Variants in FRMPD4 observed in about 807,000 individuals in gnomAD.
FRMPD4 encodes FERM and PDZ domain containing 4.
A neutral mutation model predicts 94.1 loss-of-function variants in FRMPD4; 22 were observed. The ratio of observed to expected loss-of-function variants is 0.23; its 90% CI spans 0.17 to 0.33. The LOEUF (loss-of-function observed/expected upper bound fraction) is 0.33, where lower values mean the gene tolerates loss of function less well. Ranked by LOEUF, FRMPD4 falls within the 10% of genes least tolerant of loss-of-function variation. The probability of loss-of-function intolerance (pLI) is 1.00; values close to 1 mark genes in which losing one functional copy is unlikely to be tolerated. For synonymous variants in FRMPD4, 631 were observed against 548.6 expected, an observed-to-expected ratio of 1.15 and a Z score of -2.10; for missense variants, 1,111 against 1,339.9, an observed-to-expected ratio of 0.83 and a Z score of 2.67.
chrX:11,989,690 C>T (rs1216852193), intron 3 of FRMPD4, among the ~76,000 whole-genome samples: 1 of 112,078 alleles, frequency 8.9e-6, no homozygotes, highest in Non-Finnish European at 1.9e-5. Flanking sequence ...GGGATGGTTA[C>T]TTCATTCTCC....
chrX:12,291,828 G>A (rs1275548319), intron 1 of FRMPD4, among the ~76,000 whole-genome samples: 1 of 111,726 alleles, frequency 9.0e-6, no homozygotes, highest in African/African-American at 3.3e-5. Flanking sequence ...GCTGGGGGTT[G>A]TTGTATCCTA....
chrX:12,470,107 C>A (rs1166783895), intron 1 of FRMPD4, among the ~76,000 whole-genome samples: 2 of 112,040 alleles, frequency 1.8e-5, no homozygotes, highest in African/African-American at 6.5e-5. Flanking sequence ...ACAGGTATTA[C>A]AAAATCCAAT....
rs1418379244 is a variant in FRMPD4, at chrX:12,723,304, A to G, written c.*1446A>G. ...GCTCAAGTTACATGCACTCCTACTT[A>G]GACAGGTGGCTCCTTAAGAACATGA... On this transcript the variant is annotated 3_prime_UTR_variant, in exon 17 of 17. Coordinates refer to ENST00000675598, the MANE Select transcript of FRMPD4 (RefSeq NM_001368397.1). The G allele has an allele frequency of 9.0e-6, 1 of 111,234 alleles. No individual in the cohort carries two copies. The highest frequency in any genetic ancestry group is 1.9e-5 in the Non-Finnish European group (1 of 53,063). The allele number at this position is 111,234 out of a possible 1,213,427, so 9.2% of individuals were successfully genotyped here. A position where few individuals can be genotyped will look rare whatever the true frequency, so the allele number is the denominator to read the frequency against.
intron 1 of FRMPD4, among the ~76,000 whole-genome samples, chrX:12,440,606 C>T (rs1441816728): frequency 9.1e-6 from 1 of 110,466 alleles, no homozygotes; most frequent in African/African-American, 3.3e-5. Context: ...TAGTAATTGG[C>T]AATGCAGGTC....
chrX:12,183,941 G>T (rs901552611), intron 1 of FRMPD4, among the ~76,000 whole-genome samples: 1 of 109,694 alleles, frequency 9.1e-6, no homozygotes, highest in Non-Finnish European at 1.9e-5. Flanking sequence ...TGAAATGGCA[G>T]GTCTCCTGTG....
chrX:12,212,570 T>A (rs1246078933), intron 1 of FRMPD4, among the ~76,000 whole-genome samples: 2 of 111,337 alleles, frequency 1.8e-5, no homozygotes, highest in African/African-American at 6.5e-5. Context: ...CCTAGACTTC[T>A]AGGTGAGACA....
chrX:12,249,806 A>C (rs993156266), intron 1 of FRMPD4, among the ~76,000 whole-genome samples: 1 of 111,166 alleles, frequency 9.0e-6, no homozygotes, highest in Non-Finnish European at 1.9e-5. Flanking sequence ...TTAATGAGCT[A>C]TTGAATATTG....
chrX:12,296,722 C>T (rs2054777797), intron 1 of FRMPD4, among the ~76,000 whole-genome samples: 1 of 112,481 alleles, frequency 8.9e-6, no homozygotes, highest in Non-Finnish European at 1.9e-5. Flanking sequence ...AACTTCCCTT[C>T]GGCTCCTGAT....
At chrX:12,658,444 A>G (rs1352879841) in intron 4 of FRMPD4, among the ~76,000 whole-genome samples, 1 of 111,982 alleles carries the variant, frequency 8.9e-6, no homozygotes, top group African/African-American at 3.2e-5. Context: ...TAAAATAGTG[A>G]TCCTGAAAAG....
intron 3 of FRMPD4, among the ~76,000 whole-genome samples, chrX:11,973,151 GCTT>G (rs947331711): frequency 1.8e-5 from 2 of 112,375 alleles, no homozygotes; most frequent in African/African-American, 6.5e-5. Context: ...TCTAATTCAC[GCTT>G]CTTCTCTTCT....
chrX:12,243,361 A>G lies in FRMPD4; in HGVS notation c.41+104349A>G, dbSNP rs2053904913. Among the ~76,000 whole-genome samples the G allele has an allele frequency of 2.7e-5, 3 of 112,804 alleles. No individual in the cohort carries two copies. In the Admixed American group the frequency reaches 2.8e-4, roughly 11 times the overall value. On this transcript the variant is annotated intron_variant, in intron 1 of 16. Transcript: ENST00000675598. ...CACAAGATATTTAAACAACTCAAGC[A>G]CAGGATGTGTTCCAATCCAATAACT...
At chrX:12,685,438 T>C (rs1213322723) in intron 6 of FRMPD4, among the ~76,000 whole-genome samples, 1 of 112,445 alleles carries the variant, frequency 8.9e-6, no homozygotes, top group Non-Finnish European at 1.9e-5. Context: ...TTGCTTTTTG[T>C]CATGTTTCAA....
At chrX:12,101,886 C>A (rs1253344352) in intron 3 of FRMPD4, among the ~76,000 whole-genome samples, 2 of 111,968 alleles carry the variant, frequency 1.8e-5, no homozygotes, top group African/African-American at 3.2e-5. Context: ...ATCTACTTAT[C>A]TATATCTCCA....
At chrX:12,231,968 A>G (rs1228768108) in intron 1 of FRMPD4, among the ~76,000 whole-genome samples, 1 of 111,688 alleles carries the variant, frequency 9.0e-6, no homozygotes, top group Admixed American at 9.5e-5. Context: ...TGAGCACTGT[A>G]TGAGTGCTCC....
chrX:12,236,615 G>A (rs1373966124), intron 1 of FRMPD4, among the ~76,000 whole-genome samples: 3 of 110,965 alleles, frequency 2.7e-5, no homozygotes, highest in Admixed American at 9.6e-5. Flanking sequence ...TGGGAGATTC[G>A]TATGACAATA....
At chrX:12,482,634 G>C (rs1298726421) in intron 1 of FRMPD4, among the ~76,000 whole-genome samples, 4 of 111,805 alleles carry the variant, frequency 3.6e-5, no homozygotes, top group African/African-American at 1.3e-4. Flanking sequence ...ATTATAACAT[G>C]AACCATGTAT....
At chrX:11,879,242 C>T (rs1818970704) in intron 3 of FRMPD4, among the ~76,000 whole-genome samples, 1 of 111,488 alleles carries the variant, frequency 9.0e-6, no homozygotes, top group Admixed American at 9.6e-5. Flanking sequence ...CTTTTTAGCG[C>T]CTACATTTTT....
chrX:12,610,098 G>A (rs908062679), intron 3 of FRMPD4, among the ~76,000 whole-genome samples: 1 of 112,135 alleles, frequency 8.9e-6, no homozygotes, highest in African/African-American at 3.2e-5. Context: ...GGAAAATACT[G>A]AGCCATCATC....
intron 3 of FRMPD4, among the ~76,000 whole-genome samples, chrX:12,097,213 G>A (rs1040199626): frequency 8.9e-5 from 10 of 111,744 alleles, no homozygotes; most frequent in African/African-American, 2.9e-4. Flanking sequence ...TTAGTAATTT[G>A]GAGAATGCAG....
Sources: gnomAD v4.1 joint callset for allele counts (sites outside exome capture counted in the v4.1 genomes callset) on GRCh38, gnomAD v4.1.1 for gene constraint, MANE v1.5 for transcripts, NCBI Gene and HGNC (gene_info 2026-07-23, HGNC 2026-07-21) for gene names.